Variants in MCRIP1 observed in about 807,000 individuals in gnomAD.
MCRIP1 encodes the protein mapk-regulated corepressor-interacting protein 1.
MCRIP1 carries 10 observed loss-of-function variants against 14.4 expected under a neutral mutation model. That is an observed-to-expected ratio of 0.70 (90% CI 0.43 to 1.18). The LOEUF (loss-of-function observed/expected upper bound fraction) is 1.18, where lower values mean the gene tolerates loss of function less well. Ranked by LOEUF, MCRIP1 falls within the 50% of genes most tolerant of loss-of-function variation. The pLI, the probability that MCRIP1 is intolerant of heterozygous loss-of-function variation, is 0.00. For synonymous variants in MCRIP1, 53 were observed against 55.7 expected (o/e 0.95, Z 0.21); for missense variants, 119 against 135.4 (o/e 0.88, Z 0.60).
intron 1 of MCRIP1, among the ~76,000 whole-genome samples, chr17:81,829,124 C>T (rs996279779): frequency 7.2e-5 from 11 of 152,172 alleles, no homozygotes; most frequent in African/African-American, 9.7e-5. Flanking sequence ...AGAGAAGCGC[C>T]GGGGGCAGCC....
intron 1 of MCRIP1, chr17:81,826,214 T>C: frequency 6.6e-7 from 1 of 1,522,156 alleles, no homozygotes; most frequent in Non-Finnish European, 8.8e-7. Flanking sequence ...GGGGCTCCCT[T>C]TGCCTTGTGT....
intron 1 of MCRIP1, chr17:81,825,221 C>A: frequency 2.8e-6 from 3 of 1,075,374 alleles, no homozygotes; most frequent in Non-Finnish European, 3.4e-6. Flanking sequence ...GACCTGGTGA[C>A]CAAGACCCTG....
chr17:81,824,665 C>G, intron 1 of MCRIP1, 111 bp from the exon 2 acceptor site: 7 of 1,502,606 alleles, frequency 4.7e-6, no homozygotes, highest in Non-Finnish European at 6.2e-6. Context: ...GAACAAAGTG[C>G]ATGGTCCCTC....
chr17:81,824,563 G>A lies in MCRIP1; in HGVS notation c.-48-9C>T, dbSNP rs1406411440. The A allele has an allele frequency of 2.0e-6, 3 of 1,535,896 alleles. No homozygotes were observed. The highest frequency in any genetic ancestry group is 2.6e-6 in the Non-Finnish European group (3 of 1,146,700). ...CCAGATCCCCTCAGCCTCTGAAACA[G>A]AAGCCAGCGCAGGCATGGGACGCAG... On this transcript the variant is annotated splice_polypyrimidine_tract_variant and intron_variant, in intron 1 of 4. Coordinates refer to ENST00000455127, the MANE Select transcript of MCRIP1 (RefSeq NM_207368.5).
intron 1 of MCRIP1, 67 bp downstream of exon 1, chr17:81,833,171 G>A (rs1452047760): frequency 6.8e-6 from 1 of 146,710 alleles, no homozygotes; most frequent in African/African-American, 2.4e-5. Context: ...GCGACACCAG[G>A]GCGGGGCCCA....
chr17:81,830,247 C>A (rs867891202), intron 1 of MCRIP1, among the ~76,000 whole-genome samples: 9 of 152,364 alleles, frequency 5.9e-5, no homozygotes, highest in Middle Eastern at 6.8e-3. Context: ...CCATGGAAAG[C>A]CAGCAGCTCA....
chr17:81,824,349 G>T lies in MCRIP1; in HGVS notation c.65C>A (p.Pro22Gln), dbSNP rs1170405702. ...NGKRTSSPRS[P>Q]PSSSEIFTPA... Reference sequence around the variant, plus strand: ...GGTGAAGATCTCGCTGCTGCTGGGTGGGGAGCGGGGGCTGCTGGTCCTCTT... The same window carrying T: ...GGTGAAGATCTCGCTGCTGCTGGGTTGGGAGCGGGGGCTGCTGGTCCTCTT... Residue 22 changes from proline (P) to glutamine (Q), a missense_variant, in exon 3 of 5, where the codon CCA becomes CAA. Pro to Gln is a moderately conservative substitution (Grantham distance 76). Coordinates refer to ENST00000455127, the MANE Select transcript of MCRIP1 (RefSeq NM_207368.5). The T allele has an allele frequency of 6.5e-7, 1 of 1,531,354 alleles. No homozygotes were observed. The highest frequency in any genetic ancestry group is 2.0e-5 in the Admixed American group (1 of 50,178). The allele number at this position is 1,531,354 out of a possible 1,614,324, so 94.9% of individuals were successfully genotyped here. A position where few individuals can be genotyped will look rare whatever the true frequency, so the allele number is the denominator to read the frequency against.
Position 81,823,001 on chromosome 17 carries a change from G to A in MCRIP1, c.*246C>T, listed in dbSNP as rs992308980. The A allele has an allele frequency of 1.7e-6, 1 of 594,960 alleles. No homozygotes were observed. Among genetic ancestry groups the A allele is most frequent in the Admixed American group, 3.0e-5 (1 of 33,570 alleles). The allele number at this position is 594,960 out of a possible 1,614,324, so 36.9% of individuals were successfully genotyped here. Reference sequence around the variant, plus strand: ...GCAGCTTCAAAAATGCAGCCAGGTGGCTGGGGGAGGGCAGGAGGGTGGGCA... The same window carrying A: ...GCAGCTTCAAAAATGCAGCCAGGTGACTGGGGGAGGGCAGGAGGGTGGGCA... On this transcript the variant is annotated 3_prime_UTR_variant, in exon 5 of 5. Coordinates refer to ENST00000455127, the MANE Select transcript of MCRIP1 (RefSeq NM_207368.5). This position sits in a 1 kb window ranked among gnomAD's most constrained non-coding sequence, Gnocchi z 6.0.
intron 1 of MCRIP1, chr17:81,826,013 G>T (rs761592780): frequency 7.3e-7 from 1 of 1,379,024 alleles, no homozygotes; most frequent in South Asian, 1.2e-5. Flanking sequence ...ACCGACTGCT[G>T]CTTTAGGGGT....
intron 1 of MCRIP1, among the ~76,000 whole-genome samples, chr17:81,830,722 A>G (rs981892873): frequency 2.0e-5 from 3 of 150,620 alleles, no homozygotes; most frequent in African/African-American, 7.3e-5. Context: ...CCTGGGCAAC[A>G]TAGAAAGAGC....
In MCRIP1 at chr17:81,826,105, G is replaced by A. The variant is rs754038606; in HGVS notation, c.-48-1551C>T. On this transcript the variant is annotated intron_variant, in intron 1 of 4. Coordinates refer to ENST00000455127, the MANE Select transcript of MCRIP1 (RefSeq NM_207368.5). ...CCAGTGGCCACTTGGCCTTTATGCA[G>A]CCACACCTTTGGCCTGGGATCCCCC... The A allele has an allele frequency of 1.6e-5, 24 of 1,479,666 alleles. No homozygotes were observed. In the East Asian group the frequency reaches 5.9e-4, roughly 37 times the overall value. 91.7% of individuals were successfully genotyped at this position (1,479,666 alleles called of 1,614,324 possible). A position where few individuals can be genotyped will look rare whatever the true frequency, so the allele number is the denominator to read the frequency against.
At chr17:81,833,012 T>G (rs1038501345) in intron 1 of MCRIP1, among the ~76,000 whole-genome samples, 5 of 151,294 alleles carry the variant, frequency 3.3e-5, no homozygotes, top group Admixed American at 2.6e-4. Flanking sequence ...AGCCGCGCCC[T>G]CCCCACGCGC....
In MCRIP1 at chr17:81,823,535, T is replaced by C; in HGVS notation, c.128-22A>G. On this transcript the variant is annotated intron_variant, in intron 3 of 4. Coordinates refer to ENST00000455127, the MANE Select transcript of MCRIP1 (RefSeq NM_207368.5). This position sits in a 1 kb window ranked among gnomAD's most constrained non-coding sequence, Gnocchi z 6.0. ...CAGGCTGCAGAGGCAGAGAGTGGTG[T>C]GCTCAGGGCCCCCTGCCCCAGGGGG... 6.5e-7 allele frequency: 1 copy of C among 1,532,704 alleles called. No homozygotes were observed. The highest frequency in any genetic ancestry group is 8.7e-7 in the Non-Finnish European group (1 of 1,144,278). 94.9% of individuals were successfully genotyped at this position (1,532,704 alleles called of 1,614,324 possible). A position where few individuals can be genotyped will look rare whatever the true frequency, so the allele number is the denominator to read the frequency against.
At chr17:81,828,922 G>C (rs372287895) in intron 1 of MCRIP1, among the ~76,000 whole-genome samples, 1 of 152,216 alleles carries the variant, frequency 6.6e-6, no homozygotes, top group African/African-American at 2.4e-5. Flanking sequence ...ACAGCTGAGG[G>C]GGGAGGGCAG....
chr17:81,829,289 A>G (rs1041750649), intron 1 of MCRIP1, among the ~76,000 whole-genome samples: 6 of 152,180 alleles, frequency 3.9e-5, no homozygotes, highest in Non-Finnish European at 8.8e-5. Flanking sequence ...CATTCAGCCC[A>G]GAGAGACAGC....
chr17:81,826,037 C>G, intron 1 of MCRIP1: 1 of 1,420,794 alleles, frequency 7.0e-7, no homozygotes, highest in Non-Finnish European at 9.3e-7. Flanking sequence ...TGCCTCCCAG[C>G]CTGCCCTCTC....
rs1277479496 is a variant in MCRIP1 at position 81,824,331 on chromosome 17, A to C, written c.83T>G (p.Ile28Ser). The C allele has an allele frequency of 6.5e-7, 1 of 1,535,954 alleles. No individual in the cohort carries two copies. Among genetic ancestry groups the C allele is most frequent in the Non-Finnish European group, 8.7e-7 (1 of 1,146,550 alleles). The change falls in exon 3 of 5, where the codon ATC becomes AGC. Residue 28 changes from isoleucine to serine, a missense_variant. Coordinates refer to ENST00000455127, the MANE Select transcript of MCRIP1 (RefSeq NM_207368.5). ...SPRSPPSSSE[I>S]FTPAHEENVR... ...GTTCTCCTCGTGGGCTGGGGTGAAG[A>C]TCTCGCTGCTGCTGGGTGGGGAGCG...
intron 1 of MCRIP1, among the ~76,000 whole-genome samples, chr17:81,827,482 A>G (rs2038432302): frequency 6.6e-6 from 1 of 151,758 alleles, no homozygotes; most frequent in Non-Finnish European, 1.5e-5. Context: ...CCTGTTAGCC[A>G]GGATGGTCTC....
Position 81,824,829 on chromosome 17 carries a change from C to A in MCRIP1, c.-48-275G>T. ...CCCGCTCAGCGGCCTTGATCCTCCA[C>A]GTCTCAGGCTCAGACGTGGAGGCCT... On this transcript the variant is annotated intron_variant, in intron 1 of 4. Transcript: ENST00000455127. 2.2e-6 allele frequency: 3 copies of A among 1,333,994 alleles called. No homozygotes were observed. In the Admixed American group the frequency reaches 1.1e-4, roughly 47 times the overall value. The allele number at this position is 1,333,994 out of a possible 1,614,324, so 82.6% of individuals were successfully genotyped here.
Sources: gnomAD v4.1 joint callset for allele counts (sites outside exome capture counted in the v4.1 genomes callset) on GRCh38, gnomAD v4.1.1 for gene constraint, Gnocchi (gnomAD v3.1) non-coding constraint, MANE v1.5 for transcripts, NCBI Gene and HGNC (gene_info 2026-07-23, HGNC 2026-07-21) for gene names.